Variants in ZNF385D observed in about 807,000 individuals in gnomAD.
ZNF385D encodes the protein zinc finger protein 385D.
In ZNF385D, 15 loss-of-function variants were observed where a neutral mutation model predicts 35.8. That is an observed-to-expected ratio of 0.42 (90% CI 0.28 to 0.64). The LOEUF is 0.64. Among genes scored for constraint, ZNF385D ranks in the 30% least tolerant of loss-of-function variants. The pLI is 0.23. For missense variants in ZNF385D, 474 were observed against 494.6 expected (o/e 0.96, Z 0.39); for synonymous variants, 212 against 186.8 (o/e 1.13, Z -1.10).
At chr3:21,708,238 C>CTCAAAGTTACTT (rs2067978234) in intron 1 of ZNF385D, among the ~76,000 whole-genome samples, 1 of 152,194 alleles carries the variant, frequency 6.6e-6, no homozygotes, top group African/African-American at 2.4e-5. Context: ...AAATGGGCAG[C>CTCAAAGTTACTT]AGCAGTAACT....
intron 3 of ZNF385D, among the ~76,000 whole-genome samples, chr3:22,014,789 A>T (rs1696782524): frequency 6.6e-6 from 1 of 152,160 alleles, no homozygotes; most frequent in Admixed American, 6.5e-5. Context: ...ATATTGACAA[A>T]ATCAAAATGC....
At position 22,001,593 on chromosome 3, in the gene ZNF385D, C is replaced by A. The variant is rs1249688802; in HGVS notation, c.325+167224G>T. Among the ~76,000 whole-genome samples the A allele has an allele frequency of 2.0e-5, 3 of 152,122 alleles. No individual in the cohort carries two copies. The East Asian group carries it at 5.8e-4, about 29-fold the overall frequency. Reference sequence around the variant, plus strand: ...TAGACAGAAAATCAACAAAGAAACACTGGATTTAAACTGCACATTACACCA... The same window carrying A: ...TAGACAGAAAATCAACAAAGAAACAATGGATTTAAACTGCACATTACACCA... On this transcript the variant is annotated intron_variant, in intron 3 of 5. Coordinates refer to the ZNF385D transcript ENST00000494108.
At position 22,357,623 on chromosome 3, in the gene ZNF385D, T is replaced by G. The variant is rs184417865; in HGVS notation, c.106+14827A>C. On this transcript the variant is annotated intron_variant, in intron 2 of 5. Coordinates refer to the ZNF385D transcript ENST00000494108. ...GTAACTTAAAGAAAAAAAAACTTAT[T>G]TCTTGTTCCTTCAGTATATTCATAT... Among the ~76,000 whole-genome samples the G allele has an allele frequency of 1.2e-3, 175 of 152,064 alleles. 1 individual carries two copies. The highest frequency in any genetic ancestry group is 3.4e-3 in the Middle Eastern group (1 of 294).
At chr3:22,130,276 A>G (rs1205845763) in intron 3 of ZNF385D, among the ~76,000 whole-genome samples, 3 of 152,120 alleles carry the variant, frequency 2.0e-5, no homozygotes, top group African/African-American at 7.2e-5. Context: ...GGGTGATGCA[A>G]GTATCCCCTT....
chr3:21,940,257 A>T (rs908041106), intron 3 of ZNF385D, among the ~76,000 whole-genome samples: 9 of 152,132 alleles, frequency 5.9e-5, no homozygotes, highest in Non-Finnish European at 1.2e-4. Flanking sequence ...ATGTAGCAAA[A>T]AAAGTGTTTA....
chr3:22,139,237 C>T (rs1320547281), intron 3 of ZNF385D, among the ~76,000 whole-genome samples: 1 of 152,134 alleles, frequency 6.6e-6, no homozygotes, highest in Non-Finnish European at 1.5e-5. Context: ...ACTAGAAATA[C>T]CATTTGACCC....
chr3:21,744,240 A>C (rs894489338), intron 1 of ZNF385D, among the ~76,000 whole-genome samples: 2 of 152,220 alleles, frequency 1.3e-5, no homozygotes, highest in Admixed American at 6.5e-5. Context: ...AAAAAGCAAA[A>C]TGTTGACACA....
intron 3 of ZNF385D, among the ~76,000 whole-genome samples, chr3:21,758,226 G>A (rs2070433326): frequency 6.6e-6 from 1 of 152,210 alleles, no homozygotes; most frequent in Non-Finnish European, 1.5e-5. Flanking sequence ...GAAGAATGAA[G>A]GCTCTTATGA....
At chr3:21,623,729 C>T (rs946805894) in intron 2 of ZNF385D, among the ~76,000 whole-genome samples, 2 of 152,042 alleles carry the variant, frequency 1.3e-5, no homozygotes, top group Non-Finnish European at 2.9e-5. Context: ...AATATCACTA[C>T]AGTATATGGT....
At chr3:21,909,733 C>A (rs1301510138) in intron 3 of ZNF385D, among the ~76,000 whole-genome samples, 2 of 151,872 alleles carry the variant, frequency 1.3e-5, no homozygotes, top group South Asian at 2.1e-4. Context: ...AAATTCCAGA[C>A]CTTTAACTAT....
chr3:21,867,311 CA>C, intron 3 of ZNF385D, among the ~76,000 whole-genome samples: 1 of 152,232 alleles, frequency 6.6e-6, no homozygotes, highest in East Asian at 1.9e-4. Flanking sequence ...GATTTTTTAA[CA>C]CATGAATTTG....
At chr3:21,685,677 A>G (rs1377156020) in intron 1 of ZNF385D, among the ~76,000 whole-genome samples, 1 of 152,238 alleles carries the variant, frequency 6.6e-6, no homozygotes, top group Admixed American at 6.5e-5. Context: ...TCATAAAAAG[A>G]CAAAGTACAA....
At chr3:21,697,356 G>C (rs115383598) in intron 1 of ZNF385D, among the ~76,000 whole-genome samples, 2,372 of 152,172 alleles carry the variant, frequency 0.016, 59 homozygotes, top group African/African-American at 0.053. Context: ...TGTAAATAGT[G>C]GTAAGTTGAA....
intron 3 of ZNF385D, among the ~76,000 whole-genome samples, chr3:22,085,950 A>G (rs1425049889): frequency 1.3e-5 from 2 of 152,218 alleles, no homozygotes; most frequent in Non-Finnish European, 2.9e-5. Flanking sequence ...CCAATGATAG[A>G]AACCACGATT....
At position 22,178,782 on chromosome 3, in the gene ZNF385D, T is replaced by C. The variant is rs928973610; in HGVS notation, c.107-9747A>G. Among the ~76,000 whole-genome samples the C allele has an allele frequency of 4.6e-5, 7 of 152,190 alleles. No individual in the cohort carries two copies. In the South Asian group the frequency reaches 8.3e-4, roughly 18 times the overall value. ...TTGTATAACGTGTAAGGAAGGGATC[T>C]AGTTTCAGCTTTCTACATATGGCTA... On this transcript the variant is annotated intron_variant, in intron 2 of 5. Coordinates refer to the ZNF385D transcript ENST00000494108.
At chr3:21,917,226 G>C (rs773232263) in intron 3 of ZNF385D, among the ~76,000 whole-genome samples, 61 of 152,134 alleles carry the variant, frequency 4.0e-4, no homozygotes, top group Non-Finnish European at 8.8e-5. Flanking sequence ...GAGGTCAGGA[G>C]TTTGAGGCCA....
chr3:21,957,678 G>A (rs889387507), intron 3 of ZNF385D, among the ~76,000 whole-genome samples: 3 of 152,044 alleles, frequency 2.0e-5, no homozygotes, highest in Admixed American at 2.0e-4. Flanking sequence ...CTGCCTCCCA[G>A]CATAACCATC....
intron 1 of ZNF385D, among the ~76,000 whole-genome samples, chr3:21,744,624 T>G (rs992106238): frequency 6.6e-6 from 1 of 152,136 alleles, no homozygotes; most frequent in Non-Finnish European, 1.5e-5. Context: ...TGAAATTGTA[T>G]CAGGTGAGTT....
chr3:21,848,080 C>T (rs887065955), intron 3 of ZNF385D, among the ~76,000 whole-genome samples: 10 of 151,920 alleles, frequency 6.6e-5, no homozygotes, highest in African/African-American at 2.4e-4. Context: ...TTATTCAGTC[C>T]CACTGTGACT....
Sources: gnomAD v4.1 joint callset for allele counts (sites outside exome capture counted in the v4.1 genomes callset) on GRCh38, gnomAD v4.1.1 for gene constraint, MANE v1.5 for transcripts, NCBI Gene and HGNC (gene_info 2026-07-23, HGNC 2026-07-21) for gene names.